PARP1: variants seen among roughly 807,000 people sequenced by gnomAD.
The protein encoded by PARP1 is poly [ADP-ribose] polymerase 1.
PARP1 carries 44 observed loss-of-function variants against 118.7 expected under a neutral mutation model. The ratio of observed to expected loss-of-function variants is 0.37; its 90% CI spans 0.29 to 0.48. The LOEUF (loss-of-function observed/expected upper bound fraction) is 0.48, where lower values mean the gene tolerates loss of function less well. Among genes scored for constraint, PARP1 ranks in the 20% least tolerant of loss-of-function variants. The pLI is 0.99. For synonymous variants in PARP1, 492 were observed against 483.2 expected, an observed-to-expected ratio of 1.02 and a Z score of -0.24; for missense variants, 1,100 against 1,272.4, an observed-to-expected ratio of 0.86 and a Z score of 2.06.
intron 1 of PARP1, 109 bp downstream of exon 1, chr1:226,407,701 G>C (rs1665179366): frequency 1.0e-6 from 1 of 996,164 alleles, no homozygotes; most frequent in African/African-American, 2.9e-5. Context: ...GTGCCGCTCC[G>C]AGGGCCCGGG....
intron 7 of PARP1, among the ~76,000 whole-genome samples, chr1:226,385,204 C>T (rs964045571): frequency 6.6e-6 from 1 of 152,230 alleles, no homozygotes; most frequent in Admixed American, 6.5e-5. Context: ...ATATGTCCCT[C>T]AAGCCTAGAA....
chr1:226,364,937 A>G, intron 19 of PARP1, 65 bp downstream of exon 19: 1 of 1,585,904 alleles, frequency 6.3e-7, no homozygotes, highest in Non-Finnish European at 8.6e-7. Context: ...CTCTTGCTCA[A>G]AGTTCTTTAT....
intron 10 of PARP1, 46 bp from the exon 11 acceptor site, chr1:226,379,687 A>G: frequency 2.0e-6 from 3 of 1,494,810 alleles, no homozygotes; most frequent in South Asian, 1.1e-5. Context: ...AAATGTAACT[A>G]AAAAGTAAGG....
chr1:226,400,275 G>A (rs1220293942), intron 2 of PARP1, among the ~76,000 whole-genome samples: 3 of 151,988 alleles, frequency 2.0e-5, no homozygotes, highest in Non-Finnish European at 4.4e-5. Context: ...CTCCAGCCTG[G>A]GCAACAGAGT....
chr1:226,375,555 T>G (rs1344278686), intron 13 of PARP1, among the ~76,000 whole-genome samples: 3 of 152,122 alleles, frequency 2.0e-5, no homozygotes, highest in Non-Finnish European at 4.4e-5. Flanking sequence ...CTGGCCAAAC[T>G]GAGGTGTGCT....
At chr1:226,375,664 T>C (rs980752565) in intron 13 of PARP1, among the ~76,000 whole-genome samples, 17 of 152,242 alleles carry the variant, frequency 1.1e-4, no homozygotes, top group African/African-American at 4.1e-4. Flanking sequence ...GATCAGGTGT[T>C]GAAATTAGAA....
At chr1:226,370,001 AAT>A (rs1211006290) in intron 15 of PARP1, among the ~76,000 whole-genome samples, 1 of 151,558 alleles carries the variant, frequency 6.6e-6, no homozygotes, top group African/African-American at 2.4e-5. Context: ...AAAAAAAAAA[AAT>A]CTCAGGATGC....
In PARP1 at chr1:226,382,212, C is replaced by T. The variant is rs1664622911; in HGVS notation, c.1159+824G>A. ...TTCACCAATAGACTATGCCACATGT[C>T]TCTGAGTAAACAAGCAGCGGGTCAC... On this transcript the variant is annotated intron_variant, in intron 8 of 22. Transcript: ENST00000366794. 2.0e-5 allele frequency among the ~76,000 whole-genome samples: 3 copies of T among 152,242 alleles called. No individual in the cohort carries two copies. The South Asian group carries it at 6.2e-4, about 32-fold the overall frequency.
chr1:226,390,883 T>C (rs1025455702), intron 3 of PARP1, among the ~76,000 whole-genome samples: 1 of 152,178 alleles, frequency 6.6e-6, no homozygotes, highest in South Asian at 2.1e-4. Context: ...ATGTGAAGAA[T>C]TGCTAACATT....
chr1:226,403,272 G>A (rs1277017829), intron 1 of PARP1, among the ~76,000 whole-genome samples: 5 of 152,170 alleles, frequency 3.3e-5, no homozygotes, highest in African/African-American at 4.8e-5. Context: ...TCTGTCTCCT[G>A]GGTTCAAGCG....
rs762359621 is a variant in PARP1 at position 226,390,647 on chromosome 1, T to C, written c.403-23A>G. The C allele has an allele frequency of 8.1e-6, 13 of 1,606,446 alleles. No homozygotes were observed. The South Asian group carries it at 1.2e-4, about 15-fold the overall frequency. On this transcript the variant is annotated intron_variant, in intron 3 of 22. Transcript: ENST00000366794. Reference sequence around the variant, plus strand: ...GCCCTGCAGGAAAAACCATATGTGGTACCAAGGGAGCGACAAGCAAGGATA... The same window carrying C: ...GCCCTGCAGGAAAAACCATATGTGGCACCAAGGGAGCGACAAGCAAGGATA...
intron 6 of PARP1, 82 bp downstream of exon 6, chr1:226,386,243 TC>T: frequency 1.2e-6 from 1 of 844,112 alleles, no homozygotes; most frequent in Non-Finnish European, 2.1e-6. Flanking sequence ...ACGGAGGGCC[TC>T]CCACACTCCA....
At chr1:226,379,083 T>TA in intron 12 of PARP1, 59 bp downstream of exon 12, 2 of 1,609,308 alleles carry the variant, frequency 1.2e-6, no homozygotes. Context: ...GGCACAGCAC[T>TA]AACCAATGCA....
intron 2 of PARP1, among the ~76,000 whole-genome samples, chr1:226,400,101 A>T (rs1447610167): frequency 2.0e-5 from 3 of 152,222 alleles, no homozygotes; most frequent in Non-Finnish European, 4.4e-5. Flanking sequence ...TTTGTGCATG[A>T]TACAAGACAC....
intron 18 of PARP1, 108 bp downstream of exon 18, chr1:226,365,846 T>TAAGG: frequency 1.3e-6 from 1 of 741,932 alleles, no homozygotes; most frequent in East Asian, 2.6e-5. Context: ...TTCTTTGGGT[T>TAAGG]ATTTAAAGTA....
chr1:226,380,762 G>A (rs1244204794), intron 9 of PARP1, among the ~76,000 whole-genome samples: 1 of 152,084 alleles, frequency 6.6e-6, no homozygotes, highest in Non-Finnish European at 1.5e-5. Context: ...CATTTCCTTT[G>A]AGCATCATGT....
Position 226,362,116 on chromosome 1 carries a change from G to T in PARP1, c.2849-33C>A, listed in dbSNP as rs750486057. 5 of 1,217,058 alleles carry T rather than the reference G, an allele frequency of 4.1e-6. No individual in the cohort carries two copies. The East Asian group carries it at 7.0e-5, about 17-fold the overall frequency. The allele number at this position is 1,217,058 out of a possible 1,614,324, so 75.4% of individuals were successfully genotyped here. On this transcript the variant is annotated intron_variant, in intron 21 of 22. Transcript: ENST00000366794. ...ACAGAAGTCACAAGTGACATGAACT[G>T]TGAGTACAGATGTGGCAAAGCTTCC...
In PARP1 at chr1:226,361,979, G is replaced by T; in HGVS notation, c.2953C>A (p.Leu985Ile). 1 of 1,571,292 alleles carries T rather than the reference G, an allele frequency of 6.4e-7. No individual in the cohort carries two copies. Among genetic ancestry groups the T allele is most frequent in the Non-Finnish European group, 8.8e-7 (1 of 1,140,868 alleles). Reference sequence around the variant, plus strand: ...CTCAAGAAAGGATACTCGTTATATAGTAGAGAGGTGTCATTCACACCAGAT... The same window carrying T: ...CTCAAGAAAGGATACTCGTTATATATTAGAGAGGTGTCATTCACACCAGAT... ...ISSGVNDTSL[L>I]YNEYIVYDIA... Residue 985 changes from leucine to isoleucine, a missense_variant, in exon 22 of 23, where the codon CTA becomes ATA. Transcript: ENST00000366794.
Position 226,380,091 on chromosome 1 carries a change from G to A in PARP1, c.1374C>T (p.Phe458=), listed in dbSNP as rs61731501. 4.7e-4 allele frequency: 752 copies of A among 1,614,200 alleles called. No homozygotes were observed. The highest frequency in any genetic ancestry group is 6.0e-4 in the Non-Finnish European group (708 of 1,180,032). ...TGGTGGAGGCGGAGACGTCCTGGAG[G>A]AAGTCCTCAGACACAACTCGGATGT... ...EANIRVVSED[F]LQDVSASTKS... is the part of the protein sequence containing the mutation. The change falls in exon 10 of 23, where the codon TTC becomes TTT. Residue 458 remains phenylalanine, a synonymous_variant. Transcript: ENST00000366794.
Sources: gnomAD v4.1 joint callset for allele counts (sites outside exome capture counted in the v4.1 genomes callset) on GRCh38, gnomAD v4.1.1 for gene constraint, MANE v1.5 for transcripts, NCBI Gene and HGNC (gene_info 2026-07-23, HGNC 2026-07-21) for gene names.